The following EPHA6 variants were observed in gnomAD, a reference collection of about 807,000 sequenced individuals.
EPHA6 encodes EPH receptor A6, also known as ephrin type-A receptor 6.
Under a neutral mutation model 112.0 loss-of-function variants are expected in EPHA6, and 50 were observed. The observed-to-expected ratio is 0.45, with a 90% CI of 0.36 to 0.56. EPHA6 has a LOEUF of 0.56. Among genes scored for constraint, EPHA6 ranks in the 20% least tolerant of loss-of-function variants. EPHA6 has a pLI of 0.00. For missense variants in EPHA6, 1,280 were observed against 1,417.4 expected (o/e 0.90, Z 1.56); for synonymous variants, 529 against 490.7 (o/e 1.08, Z -1.03).
chr3:97,212,964 C>T (rs1396028335), intron 3 of EPHA6, among the ~76,000 whole-genome samples: 1 of 152,160 alleles, frequency 6.6e-6, no homozygotes, highest in Non-Finnish European at 1.5e-5. Context: ...GTCCTCTTCT[C>T]TACATAACCA....
At chr3:97,296,016 G>T (rs560367503) in intron 5 of EPHA6, among the ~76,000 whole-genome samples, 210 of 152,296 alleles carry the variant, frequency 1.4e-3, no homozygotes, top group African/African-American at 4.8e-3. Flanking sequence ...CATGCAGCTT[G>T]CTCAGATGCC....
intron 7 of EPHA6, chr3:97,466,251 C>A: frequency 9.4e-7 from 1 of 1,065,346 alleles, no homozygotes; most frequent in Non-Finnish European, 1.4e-6. Flanking sequence ...TCATCAAAAT[C>A]AAAAGATGAC....
chr3:97,437,194 T>C (rs2089895688), intron 6 of EPHA6, among the ~76,000 whole-genome samples: 1 of 152,156 alleles, frequency 6.6e-6, no homozygotes, highest in Non-Finnish European at 1.5e-5. Context: ...TTATGGAATA[T>C]GCATGATTTT....
chr3:96,879,550 A>G (rs1390028213), intron 2 of EPHA6, among the ~76,000 whole-genome samples: 1 of 152,016 alleles, frequency 6.6e-6, no homozygotes, highest in Non-Finnish European at 1.5e-5. Flanking sequence ...TGGAGTGACT[A>G]TGGTTACAAT....
chr3:97,512,011 A>C lies in EPHA6; in HGVS notation c.2201-20347A>C, dbSNP rs149208952. 2.3e-3 allele frequency among the ~76,000 whole-genome samples: 347 copies of C among 152,306 alleles called. 1 individual carries two copies. Among genetic ancestry groups the C allele is most frequent in the African/African-American group, 8.0e-3 (331 of 41,586 alleles). ...GCAATCTAGGACTAGGTGAAACACA[A>C]TATTCTTAATAAATAAAATAATGAA... On this transcript the variant is annotated intron_variant, in intron 10 of 17. Coordinates refer to ENST00000389672, the MANE Select transcript of EPHA6 (RefSeq NM_001080448.3).
At chr3:97,538,998 T>TCTTC (rs1491540479) in intron 11 of EPHA6, among the ~76,000 whole-genome samples, 3 of 147,358 alleles carry the variant, frequency 2.0e-5, no homozygotes, top group South Asian at 2.1e-4. Flanking sequence ...TTTCTTTCTT[T>TCTTC]CTTTCTTTCT....
At chr3:96,926,565 C>T (rs1302699107) in intron 2 of EPHA6, among the ~76,000 whole-genome samples, 2 of 152,194 alleles carry the variant, frequency 1.3e-5, no homozygotes, top group African/African-American at 4.8e-5. Flanking sequence ...ATAACAGTTA[C>T]TTTCAAGATA....
At chr3:97,048,499 A>G (rs769562356) in intron 3 of EPHA6, among the ~76,000 whole-genome samples, 34 of 152,316 alleles carry the variant, frequency 2.2e-4, no homozygotes, top group Non-Finnish European at 3.8e-4. Flanking sequence ...GTAATTGAAC[A>G]TAAAGATTAT....
At chr3:97,645,056 G>T (rs1368072362) in intron 14 of EPHA6, among the ~76,000 whole-genome samples, 1 of 152,016 alleles carries the variant, frequency 6.6e-6, no homozygotes, top group Non-Finnish European at 1.5e-5. Context: ...CTGGCAAAAC[G>T]AATCCAGCAG....
chr3:96,857,989 C>T (rs941608974), intron 1 of EPHA6, among the ~76,000 whole-genome samples: 3 of 151,890 alleles, frequency 2.0e-5, no homozygotes, highest in Non-Finnish European at 2.9e-5. Context: ...CAGTTCAGCT[C>T]TACCTTTTTT....
intron 2 of EPHA6, among the ~76,000 whole-genome samples, chr3:96,958,672 T>G (rs1284211577): frequency 6.6e-6 from 1 of 152,136 alleles, no homozygotes; most frequent in African/African-American, 2.4e-5. Flanking sequence ...GTAATCTACT[T>G]TCTGTTTTTA....
Position 96,992,290 on chromosome 3 carries a change from A to C in EPHA6, c.1114+4297A>C, listed in dbSNP as rs1286806714. Among the ~76,000 whole-genome samples the C allele has an allele frequency of 2.0e-5, 3 of 152,022 alleles. No individual in the cohort carries two copies. In the East Asian group the frequency reaches 5.8e-4, roughly 29 times the overall value. ...CTTCCAGCCTCTACTCACAATCTCCATGCTATTCTTCAGCTTCTACCATCT... is the reference window on the plus strand; with the variant it reads ...CTTCCAGCCTCTACTCACAATCTCCCTGCTATTCTTCAGCTTCTACCATCT... On this transcript the variant is annotated intron_variant, in intron 3 of 17. Coordinates refer to ENST00000389672, the MANE Select transcript of EPHA6 (RefSeq NM_001080448.3).
intron 2 of EPHA6, among the ~76,000 whole-genome samples, chr3:96,972,343 A>T (rs1292516449): frequency 6.6e-6 from 1 of 152,046 alleles, no homozygotes; most frequent in Non-Finnish European, 1.5e-5. Context: ...GTATTAGAGG[A>T]TATGGTCTTA....
intron 1 of EPHA6, among the ~76,000 whole-genome samples, chr3:96,862,276 G>C (rs1351600721): frequency 6.6e-6 from 1 of 151,838 alleles, no homozygotes; most frequent in African/African-American, 2.4e-5. Context: ...GTTACAGTTA[G>C]TGGAACATAG....
chr3:96,859,197 A>G (rs1410531698), intron 1 of EPHA6, among the ~76,000 whole-genome samples: 1 of 152,058 alleles, frequency 6.6e-6, no homozygotes, highest in African/African-American at 2.4e-5. Context: ...TTAAAGTAAT[A>G]GTTATAATTG....
intron 5 of EPHA6, among the ~76,000 whole-genome samples, chr3:97,378,800 C>A (rs953154551): frequency 2.6e-5 from 4 of 152,036 alleles, no homozygotes; most frequent in Non-Finnish European, 5.9e-5. Context: ...TTGCTCAGTA[C>A]TTGTACCCCC....
intron 10 of EPHA6, among the ~76,000 whole-genome samples, chr3:97,492,022 A>G (rs1435949732): frequency 6.6e-6 from 1 of 152,134 alleles, no homozygotes; most frequent in African/African-American, 2.4e-5. Context: ...TACATGTAGG[A>G]TAGGGAGGAA....
chr3:96,818,177 T>C (rs1227662151), intron 1 of EPHA6, among the ~76,000 whole-genome samples: 2 of 152,006 alleles, frequency 1.3e-5, no homozygotes, highest in Non-Finnish European at 2.9e-5. Context: ...TATACACTTA[T>C]ATGAATATAA....
In EPHA6 at chr3:97,566,310, A is replaced by T. The variant is rs561430151; in HGVS notation, c.2387-26302A>T. ...TGCCCCCATTACCCAGTCTTCTCCC[A>T]TCAGGCCCCACCTCCAACATTGGGA... On this transcript the variant is annotated intron_variant, in intron 11 of 17. Coordinates refer to ENST00000389672, the MANE Select transcript of EPHA6 (RefSeq NM_001080448.3). Among the ~76,000 whole-genome samples the T allele has an allele frequency of 3.9e-5, 6 of 152,258 alleles. No individual in the cohort carries two copies. The South Asian group carries it at 1.0e-3, about 26-fold the overall frequency.
Sources: allele counts gnomAD v4.1 joint callset (sites outside exome capture counted in the v4.1 genomes callset), GRCh38; gene constraint gnomAD v4.1.1; transcripts MANE v1.5; gene names NCBI Gene and HGNC (gene_info 2026-07-23, HGNC 2026-07-21).